Variants in STOX2 observed in about 807,000 individuals in gnomAD.
The protein encoded by STOX2 is storkhead box 2, also known as storkhead-box protein 2.
Under a neutral mutation model 60.9 loss-of-function variants are expected in STOX2, and 28 were observed. The ratio of observed to expected loss-of-function variants is 0.46; its 90% CI spans 0.34 to 0.63. The LOEUF is 0.63. STOX2 is among the 30% of genes least tolerant of loss of function. The pLI is 0.01. For missense variants in STOX2, 1,024 were observed against 1,187.7 expected (o/e 0.86, Z 2.03); for synonymous variants, 472 against 463.9 (o/e 1.02, Z -0.22).
At chr4:183,878,830 C>G (rs983147105) in intron 1 of STOX2, among the ~76,000 whole-genome samples, 1 of 152,052 alleles carries the variant, frequency 6.6e-6, no homozygotes, top group Non-Finnish European at 1.5e-5. Context: ...AAGGATGGCC[C>G]GTAAGGGGTG....
At chr4:183,917,862 A>G (rs1741976899) in intron 1 of STOX2, among the ~76,000 whole-genome samples, 1 of 152,256 alleles carries the variant, frequency 6.6e-6, no homozygotes, top group Non-Finnish European at 1.5e-5. Context: ...CTGGCTGTGA[A>G]ATCCTAACAA....
In STOX2 at chr4:184,017,317, C is replaced by G; in HGVS notation, c.*33C>G. The G allele has an allele frequency of 5.2e-6, 8 of 1,535,090 alleles. No homozygotes were observed. The highest frequency in any genetic ancestry group is 7.0e-6 in the Non-Finnish European group (8 of 1,135,740). On this transcript the variant is annotated 3_prime_UTR_variant, in exon 4 of 4. Transcript: ENST00000308497. The stretch of plus-strand genomic sequence containing the variant: ...TCTGCCTCAGATCTTCTGTCTCATT[C>G]GATACAGCAAAGTTTACGACACTGG...
intron 1 of STOX2, among the ~76,000 whole-genome samples, chr4:183,999,696 G>A (rs1733503088): frequency 6.6e-6 from 1 of 152,150 alleles, no homozygotes; most frequent in African/African-American, 2.4e-5. Flanking sequence ...GCTGATCTTT[G>A]TCCCAGGCCC....
intron 1 of STOX2, among the ~76,000 whole-genome samples, chr4:183,900,257 T>C (rs571846748): frequency 1.3e-5 from 2 of 152,354 alleles, no homozygotes; most frequent in African/African-American, 4.8e-5. Flanking sequence ...TTTTCATGCC[T>C]GATAACACAA....
chr4:183,932,357 AG>A (rs1742455069), intron 1 of STOX2, among the ~76,000 whole-genome samples: 4 of 21,274 alleles, frequency 1.9e-4, no homozygotes, highest in Admixed American at 5.6e-4. Flanking sequence ...GTATACATAC[AG>A]TATATGTATG....
intron 1 of STOX2, among the ~76,000 whole-genome samples, chr4:183,829,788 C>G (rs1199801127): frequency 6.6e-6 from 1 of 152,098 alleles, no homozygotes; most frequent in Non-Finnish European, 1.5e-5. Flanking sequence ...TTGTAATGAA[C>G]TTTATAATTA....
chr4:183,905,167 T>C (rs559903117), upstream of STOX2, among the ~76,000 whole-genome samples: 4 of 152,352 alleles, frequency 2.6e-5, no homozygotes, highest in South Asian at 4.1e-4. Context: ...GCAACGTGGC[T>C]GGGCGCCTTT....
At chr4:183,849,661 G>A (rs1164897795) in intron 1 of STOX2, among the ~76,000 whole-genome samples, 3 of 152,218 alleles carry the variant, frequency 2.0e-5, no homozygotes, top group African/African-American at 4.8e-5. Flanking sequence ...AGATTGGGAT[G>A]TGGGAGATCT....
intron 1 of STOX2, among the ~76,000 whole-genome samples, chr4:183,840,929 G>A (rs993822334): frequency 2.0e-5 from 3 of 151,832 alleles, no homozygotes; most frequent in African/African-American, 7.3e-5. Context: ...GTGCTGTGGC[G>A]GGATCTCAGC....
Position 184,011,815 on chromosome 4 carries a change from A to G in STOX2, c.2585+392A>G, listed in dbSNP as rs540544962. ...TAGTCTGGGGGCGGGGGAGGAAGAT[A>G]GGGGTTGGGAGTAAACTGATTGATG... On this transcript the variant is annotated intron_variant, in intron 3 of 3. Transcript: ENST00000308497. This position sits in a 1 kb window ranked among gnomAD's most constrained non-coding sequence, Gnocchi z 4.4. 3.2e-4 allele frequency among the ~76,000 whole-genome samples: 48 copies of G among 152,132 alleles called. No individual in the cohort carries two copies. The highest frequency in any genetic ancestry group is 1.2e-3 in the Admixed American group (19 of 15,288).
intron 1 of STOX2, among the ~76,000 whole-genome samples, chr4:183,873,163 T>C (rs1406616931): frequency 1.3e-5 from 2 of 152,132 alleles, no homozygotes; most frequent in African/African-American, 4.8e-5. Context: ...ATTGGGAGGA[T>C]TGGGCTGGGC....
At chr4:183,877,712 G>T (rs2164301) in intron 1 of STOX2, among the ~76,000 whole-genome samples, 2 of 151,898 alleles carry the variant, frequency 1.3e-5, no homozygotes, top group African/African-American at 4.8e-5. Flanking sequence ...AAGGAATCTC[G>T]CTCTGTCTCC....
At chr4:183,998,210 C>CT (rs1733429076) in intron 1 of STOX2, among the ~76,000 whole-genome samples, 1 of 152,108 alleles carries the variant, frequency 6.6e-6, no homozygotes, top group Non-Finnish European at 1.5e-5. Context: ...CAAGTGATAC[C>CT]CAAGTCCAGA....
chr4:183,802,900 C>A (rs772143311), intron 1 of STOX2, among the ~76,000 whole-genome samples: 13 of 152,152 alleles, frequency 8.5e-5, no homozygotes, highest in Non-Finnish European at 1.6e-4. Context: ...GGGTTACAGG[C>A]GTGAGCCACC....
chr4:183,877,329 C>T (rs1184739103), intron 1 of STOX2, among the ~76,000 whole-genome samples: 1 of 152,202 alleles, frequency 6.6e-6, no homozygotes, highest in East Asian at 1.9e-4. Context: ...CACAGACCTA[C>T]AGGATCTGCA....
chr4:183,827,468 G>C, intron 1 of STOX2, among the ~76,000 whole-genome samples: 1 of 151,658 alleles, frequency 6.6e-6, no homozygotes, highest in South Asian at 2.1e-4. Flanking sequence ...CTCCAGGCTG[G>C]GTGACAATGA....
intron 1 of STOX2, among the ~76,000 whole-genome samples, chr4:183,852,945 T>C (rs1217536785): frequency 2.0e-5 from 3 of 152,078 alleles, no homozygotes; most frequent in Non-Finnish European, 2.9e-5. Context: ...AGAACTGAGG[T>C]TGAAGCTCCA....
chr4:183,958,148 A>G (rs546618078), intron 1 of STOX2, among the ~76,000 whole-genome samples: 99 of 131,346 alleles, frequency 7.5e-4, no homozygotes, highest in Middle Eastern at 0.011. Flanking sequence ...ACCCAAGATC[A>G]TGAATAAGGC....
intron 1 of STOX2, among the ~76,000 whole-genome samples, chr4:183,991,569 A>C (rs1234463045): frequency 1.3e-5 from 2 of 152,020 alleles, no homozygotes; most frequent in African/African-American, 4.8e-5. Context: ...CTGGGATTAC[A>C]GGCATCTGCC....
Sources: allele counts gnomAD v4.1 joint callset (sites outside exome capture counted in the v4.1 genomes callset), GRCh38; gene constraint gnomAD v4.1.1; non-coding constraint Gnocchi (gnomAD v3.1); transcripts MANE v1.5; gene names NCBI Gene and HGNC (gene_info 2026-07-23, HGNC 2026-07-21).